The following MTHFD1L variants were observed in gnomAD, a reference collection of about 807,000 sequenced individuals.
The protein encoded by MTHFD1L is methylenetetrahydrofolate dehydrogenase (NADP+ dependent) 1 like, also known as monofunctional C1-tetrahydrofolate synthase, mitochondrial.
A neutral mutation model predicts 119.5 loss-of-function variants in MTHFD1L; 81 were observed. The ratio of observed to expected loss-of-function variants is 0.68; its 90% CI spans 0.57 to 0.82. The LOEUF (loss-of-function observed/expected upper bound fraction) is 0.82. Ranked by LOEUF, MTHFD1L falls within the 40% of genes least tolerant of loss-of-function variation. The pLI is 0.00. For missense variants in MTHFD1L, 1,125 were observed against 1,253.4 expected (o/e 0.90, Z 1.55); for synonymous variants, 430 against 475.2 (o/e 0.90, Z 1.24).
At chr6:150,942,508 G>T (rs1203778366) in intron 13 of MTHFD1L, among the ~76,000 whole-genome samples, 1 of 151,854 alleles carries the variant, frequency 6.6e-6, no homozygotes, top group Non-Finnish European at 1.5e-5. Context: ...GTACCCTAAG[G>T]AAAAAATGAA....
chr6:150,993,885 G>C (rs762951912), intron 20 of MTHFD1L, among the ~76,000 whole-genome samples: 12 of 151,740 alleles, frequency 7.9e-5, no homozygotes, highest in Non-Finnish European at 1.2e-4. Flanking sequence ...AATTAGAATT[G>C]TAACCTTGAC....
At position 151,009,831 on chromosome 6, in the gene MTHFD1L, G is replaced by A. The variant is rs1456329428; in HGVS notation, c.2138G>A (p.Gly713Asp). The A allele has an allele frequency of 4.3e-6, 7 of 1,613,822 alleles. No homozygotes were observed. Among genetic ancestry groups the A allele is most frequent in the Non-Finnish European group, 5.9e-6 (7 of 1,179,908 alleles). ...GEEGFVVTEA[G>D]FGADIGMEKF... ...TGCTTCCCCACAGTGACCGAAGCTGGCTTTGGTGCTGACATCGGAATGGAG... is the reference window on the plus strand; with the variant it reads ...TGCTTCCCCACAGTGACCGAAGCTGACTTTGGTGCTGACATCGGAATGGAG... Residue 713 changes from glycine to aspartate, a missense_variant, in exon 21 of 28, where the codon GGC (glycine) becomes GAC (aspartate). By Grantham distance (94) the Gly-to-Asp change is moderately conservative. This residue lies in a region of MTHFD1L where 1,058 missense variants were observed against 1,151.2 expected (regional missense o/e 0.92). Transcript: ENST00000367321.
At chr6:151,099,260 C>T (rs1198614090) in intron 27 of MTHFD1L, among the ~76,000 whole-genome samples, 16 of 151,846 alleles carry the variant, frequency 1.1e-4, no homozygotes, top group Non-Finnish European at 2.9e-5. Context: ...GGCTAATCAG[C>T]TGGTCTTCCA....
Position 150,865,939 on chromosome 6 carries a change from CGGCGGTGGCCG to C in MTHFD1L, c.120_130del (p.Gly42ProfsTer62). ...CTAGCAGCGGCGGCGGCGGAGGCGG[CGGCGGTGGCCG>C]GGAGGGCCTGCTTGGACAGCGGCGG... On this transcript the variant is annotated frameshift_variant, in exon 1 of 28. Coordinates refer to ENST00000367321, the MANE Select transcript of MTHFD1L (RefSeq NM_015440.5). LOFTEE classifies it high-confidence loss of function. The C allele has an allele frequency of 8.2e-7, 1 of 1,215,744 alleles. No individual in the cohort carries two copies. The highest frequency in any genetic ancestry group is 1.0e-6 in the Non-Finnish European group (1 of 981,188). The allele number at this position is 1,215,744 out of a possible 1,614,324, so 75.3% of individuals were successfully genotyped here.
At chr6:150,960,767 A>C (rs756171869) in intron 18 of MTHFD1L, among the ~76,000 whole-genome samples, 2 of 152,140 alleles carry the variant, frequency 1.3e-5, no homozygotes, top group African/African-American at 2.4e-5. Flanking sequence ...GCCTGCCTGA[A>C]ATTGAGGGCA....
intron 27 of MTHFD1L, among the ~76,000 whole-genome samples, chr6:151,094,377 G>C (rs1044130569): frequency 3.3e-5 from 5 of 152,044 alleles, no homozygotes; most frequent in African/African-American, 1.2e-4. Context: ...TGTTGTTGTT[G>C]TTTGAGACAG....
intron 18 of MTHFD1L, among the ~76,000 whole-genome samples, chr6:150,962,999 T>G (rs1796676966): frequency 1.4e-5 from 2 of 142,598 alleles, no homozygotes; most frequent in South Asian, 4.6e-4. Context: ...CACTGCAACC[T>G]CCAACTCCCA....
chr6:150,982,831 C>T (rs560275284), intron 20 of MTHFD1L, among the ~76,000 whole-genome samples: 1 of 152,146 alleles, frequency 6.6e-6, no homozygotes, highest in Non-Finnish European at 1.5e-5. Flanking sequence ...TCCCAAGTAG[C>T]TGGGCTTACA....
intron 11 of MTHFD1L, among the ~76,000 whole-genome samples, chr6:150,927,017 A>G (rs564770786): frequency 6.6e-6 from 1 of 152,274 alleles, no homozygotes; most frequent in African/African-American, 2.4e-5. Context: ...TTCAGTGACT[A>G]TTGCTTATGA....
chr6:150,972,197 GA>G, intron 20 of MTHFD1L, 139 bp downstream of exon 20: 1 of 730,968 alleles, frequency 1.4e-6, no homozygotes, highest in Non-Finnish European at 2.3e-6. Context: ...CTCAATAATG[GA>G]AAAGCCCTAA....
At chr6:150,970,660 T>A (rs1797887392) in intron 19 of MTHFD1L, among the ~76,000 whole-genome samples, 1 of 152,236 alleles carries the variant, frequency 6.6e-6, no homozygotes, top group Admixed American at 6.5e-5. Flanking sequence ...CTTATTTTCC[T>A]GAGTGTTCTG....
chr6:150,951,690 T>G (rs1216633328), intron 16 of MTHFD1L, among the ~76,000 whole-genome samples: 1 of 152,230 alleles, frequency 6.6e-6, no homozygotes, highest in Non-Finnish European at 1.5e-5. Context: ...ATGAATACTT[T>G]AAGCATTTTA....
intron 16 of MTHFD1L, among the ~76,000 whole-genome samples, chr6:150,950,636 C>CTGTGGTGA (rs1387187093): frequency 3.9e-5 from 6 of 152,180 alleles, no homozygotes; most frequent in African/African-American, 9.7e-5. Context: ...TCAGAAGTCA[C>CTGTGGTGA]TGTGGTGATA....
At chr6:150,937,016 A>C in intron 12 of MTHFD1L, 76 bp downstream of exon 12, 1 of 1,542,848 alleles carries the variant, frequency 6.5e-7, no homozygotes, top group Non-Finnish European at 8.9e-7. Flanking sequence ...CATTGTCAAC[A>C]GATAAAGAGT....
At chr6:150,956,778 T>A (rs1738587) in intron 17 of MTHFD1L, among the ~76,000 whole-genome samples, 46,158 of 152,042 alleles carry the variant, frequency 0.3, 7,310 homozygotes, top group East Asian at 0.5. Flanking sequence ...AAGAGTCACC[T>A]TACTATAATA....
intron 9 of MTHFD1L, among the ~76,000 whole-genome samples, chr6:150,921,691 G>A (rs1583567823): frequency 6.6e-6 from 1 of 152,140 alleles, no homozygotes; most frequent in East Asian, 1.9e-4. Flanking sequence ...GGGATTATAG[G>A]TGCGCATCAC....
In MTHFD1L at chr6:151,039,098, T is replaced by G. The variant is rs1261551607; in HGVS notation, c.2847+1981T>G. On this transcript the variant is annotated intron_variant, in intron 26 of 27. Transcript: ENST00000367321. This position sits in a 1 kb window ranked among gnomAD's most constrained non-coding sequence, Gnocchi z 4.4. ...TAGCTGGAAATCAGTGAGAAGACAGTGAAGGAAGACACCCCTGAAACACCC... is the reference window on the plus strand; with the variant it reads ...TAGCTGGAAATCAGTGAGAAGACAGGGAAGGAAGACACCCCTGAAACACCC... Among the ~76,000 whole-genome samples the G allele has an allele frequency of 2.0e-5, 3 of 151,906 alleles. No homozygotes were observed. Among genetic ancestry groups the G allele is most frequent in the African/African-American group, 7.3e-5 (3 of 41,328 alleles).
intron 1 of MTHFD1L, among the ~76,000 whole-genome samples, chr6:150,872,167 C>A (rs910960758): frequency 6.6e-6 from 1 of 152,066 alleles, no homozygotes; most frequent in Non-Finnish European, 1.5e-5. Flanking sequence ...TGAGCCACTG[C>A]GCCCGGCCTA....
At chr6:151,080,887 T>A (rs1793079210) in intron 26 of MTHFD1L, among the ~76,000 whole-genome samples, 1 of 152,204 alleles carries the variant, frequency 6.6e-6, no homozygotes, top group Non-Finnish European at 1.5e-5. Context: ...GCCCCATGCT[T>A]ATGACCTTTT....
Sources: allele counts gnomAD v4.1 joint callset (sites outside exome capture counted in the v4.1 genomes callset), GRCh38; gene constraint gnomAD v4.1.1; regional missense constraint gnomAD v4.1.1; non-coding constraint Gnocchi (gnomAD v3.1); transcripts MANE v1.5; gene names NCBI Gene and HGNC (gene_info 2026-07-23, HGNC 2026-07-21).